Variants in NKAIN1 observed in about 807,000 individuals in gnomAD.
The protein encoded by NKAIN1 is sodium/potassium-transporting ATPase subunit beta-1-interacting protein 1.
NKAIN1 carries 13 observed loss-of-function variants against 31.6 expected under a neutral mutation model. The ratio of observed to expected loss-of-function variants is 0.41; its 90% CI spans 0.27 to 0.65. NKAIN1 has a LOEUF of 0.65. Among genes scored for constraint, NKAIN1 ranks in the 30% least tolerant of loss-of-function variants. The probability of loss-of-function intolerance (pLI) is 0.30; values close to 1 mark genes in which losing one functional copy is unlikely to be tolerated. For synonymous variants in NKAIN1, 104 were observed against 109.0 expected (o/e 0.95, Z 0.28); for missense variants, 193 against 262.2 (o/e 0.74, Z 1.82).
At chr1:31,207,640 C>G (rs553948558) in intron 1 of NKAIN1, among the ~76,000 whole-genome samples, 2 of 152,296 alleles carry the variant, frequency 1.3e-5, no homozygotes, top group East Asian at 3.9e-4. Context: ...TTCATGGGCA[C>G]TGACCCTGGG....
At chr1:31,192,494 C>T (rs1397550691) in intron 1 of NKAIN1, among the ~76,000 whole-genome samples, 1 of 152,110 alleles carries the variant, frequency 6.6e-6, no homozygotes, top group African/African-American at 2.4e-5. Flanking sequence ...GTATTCAGGG[C>T]TATGACCCAG....
At chr1:31,182,028 C>T in intron 5 of NKAIN1, 87 bp from the exon 6 acceptor site, 2 of 1,303,032 alleles carry the variant, frequency 1.5e-6, no homozygotes, top group South Asian at 2.6e-5. Flanking sequence ...AATCTGAGGG[C>T]AGGACTCCCA....
intron 1 of NKAIN1, among the ~76,000 whole-genome samples, chr1:31,226,868 G>C (rs1183750849): frequency 1.3e-5 from 2 of 151,490 alleles, no homozygotes; most frequent in Non-Finnish European, 2.9e-5. Context: ...CTGTTGCCCG[G>C]GCTGGAGTGC....
At chr1:31,224,316 C>T (rs553303446) in intron 1 of NKAIN1, among the ~76,000 whole-genome samples, 14 of 152,292 alleles carry the variant, frequency 9.2e-5, no homozygotes, top group African/African-American at 2.9e-4. Context: ...AGGGAGGAAG[C>T]GGGAAGGGAT....
At chr1:31,187,234 G>A (rs1345606324) in intron 2 of NKAIN1, among the ~76,000 whole-genome samples, 3 of 152,200 alleles carry the variant, frequency 2.0e-5, no homozygotes, top group Admixed American at 1.3e-4. Context: ...TGTCAAGCAT[G>A]TATGTAGTAA....
At chr1:31,227,943 C>A (rs903970981) in intron 1 of NKAIN1, among the ~76,000 whole-genome samples, 1 of 152,186 alleles carries the variant, frequency 6.6e-6, no homozygotes, top group Admixed American at 6.5e-5. Flanking sequence ...CCCTGGCCAG[C>A]CCCTCCACTC....
At position 31,239,449 on chromosome 1, in the gene NKAIN1, G is replaced by A; in HGVS notation, c.54+45C>T. On this transcript the variant is annotated intron_variant, in intron 1 of 6. Transcript: ENST00000373736. This position sits in a 1 kb window ranked among gnomAD's most constrained non-coding sequence, Gnocchi z 4.8. ...CCCGCACGCCCTGGGACCGCGCCCC[G>A]CCGCGCCCCACCCTGCCCCGACTGC... 1 of 1,410,190 alleles carries A rather than the reference G, an allele frequency of 7.1e-7. No individual in the cohort carries two copies. The highest frequency in any genetic ancestry group is 9.3e-7 in the Non-Finnish European group (1 of 1,079,978). 87.4% of individuals were successfully genotyped at this position (1,410,190 alleles called of 1,614,324 possible). A position where few individuals can be genotyped will look rare whatever the true frequency, so the allele number is the denominator to read the frequency against.
At chr1:31,238,689 C>A (rs561202863) in intron 1 of NKAIN1, among the ~76,000 whole-genome samples, 1 of 152,280 alleles carries the variant, frequency 6.6e-6, no homozygotes, top group African/African-American at 2.4e-5. Context: ...GTCCCCATCC[C>A]CACTGTTGCT....
At chr1:31,237,380 C>T (rs977404759) in intron 1 of NKAIN1, among the ~76,000 whole-genome samples, 1 of 152,194 alleles carries the variant, frequency 6.6e-6, no homozygotes, top group Non-Finnish European at 1.5e-5. Context: ...TCCAAGAGTA[C>T]CTGACACTTA....
intron 1 of NKAIN1, among the ~76,000 whole-genome samples, chr1:31,194,230 G>T (rs1040950026): frequency 3.9e-5 from 6 of 152,098 alleles, no homozygotes; most frequent in Non-Finnish European, 7.4e-5. Flanking sequence ...ATGAGAACAT[G>T]TCACCCAGGC....
Position 31,180,887 on chromosome 1 carries a change from G to A in NKAIN1, c.*816C>T, listed in dbSNP as rs1200943374. The A allele has an allele frequency of 6.6e-6, 1 of 152,260 alleles. No individual in the cohort carries two copies. The highest frequency in any genetic ancestry group is 2.4e-5 in the African/African-American group (1 of 41,430). The allele number at this position is 152,260 out of a possible 1,614,324, so 9.4% of individuals were successfully genotyped here. A position where few individuals can be genotyped will look rare whatever the true frequency, so the allele number is the denominator to read the frequency against. On this transcript the variant is annotated 3_prime_UTR_variant, in exon 7 of 7. Coordinates refer to ENST00000373736, the MANE Select transcript of NKAIN1 (RefSeq NM_024522.3). ...AAGAGAGGCATTGGCAAGTGGTGGT[G>A]GTGGTGTGTGAATATGGTGGAGACC... is the stretch of plus-strand genomic sequence containing the variant.
At chr1:31,218,069 T>TCTCTCTCTCTCTCTCTCTCTCTCTC (rs1645531394) in intron 1 of NKAIN1, among the ~76,000 whole-genome samples, 1 of 138,108 alleles carries the variant, frequency 7.2e-6, no homozygotes, top group African/African-American at 2.8e-5. Context: ...TCTTTCTTTC[T>TCTCTCTCTCTCTCTCTCTCTCTCTC]TTTTTTTTTT....
At chr1:31,186,191 T>C (rs1645240438) in intron 2 of NKAIN1, among the ~76,000 whole-genome samples, 1 of 151,884 alleles carries the variant, frequency 6.6e-6, no homozygotes, top group Admixed American at 6.6e-5. Flanking sequence ...GGAGAAACCC[T>C]GTCTCTATTA....
At position 31,194,753 on chromosome 1, in the gene NKAIN1, T is replaced by TTC. The variant is rs1184014098; in HGVS notation, c.55-6568_55-6567dup. On this transcript the variant is annotated intron_variant, in intron 1 of 6. Transcript: ENST00000373736. ...TTCCTTTCCTTTTCCTTCCTTCCTT[T>TTC]TCTCTCTCTCTCTCTTTTTTTTTTT... Among the ~76,000 whole-genome samples, 280 of 146,462 alleles carry TTC rather than the reference T, an allele frequency of 1.9e-3. 2 individuals are homozygous for TTC. The highest frequency in any genetic ancestry group is 6.3e-3 in the African/African-American group (250 of 39,438).
chr1:31,226,333 A>C (rs571985790), intron 1 of NKAIN1, among the ~76,000 whole-genome samples: 131 of 151,866 alleles, frequency 8.6e-4, no homozygotes, highest in Non-Finnish European at 1.5e-3. Context: ...AAATCCTGTA[A>C]AAACAAGCCC....
At position 31,181,536 on chromosome 1, in the gene NKAIN1, AGTCCAAGTCCAC is replaced by A. The variant is rs1256937831; in HGVS notation, c.*155_*166del. The A allele has an allele frequency of 8.7e-6, 5 of 573,376 alleles. No homozygotes were observed. Among genetic ancestry groups the A allele is most frequent in the Non-Finnish European group, 1.4e-5 (5 of 368,112 alleles). 35.5% of individuals were successfully genotyped at this position (573,376 alleles called of 1,614,324 possible). A position where few individuals can be genotyped will look rare whatever the true frequency, so the allele number is the denominator to read the frequency against. On this transcript the variant is annotated 3_prime_UTR_variant, in exon 7 of 7. Transcript: ENST00000373736. ...AGAGCCAAGCTCAAATCCAAGTCCA[AGTCCAAGTCCAC>A]GTCCAAGTCCGCATCTCCAGATGCA...
chr1:31,182,593 G>A lies in NKAIN1; in HGVS notation c.472-3C>T. On this transcript the variant is annotated splice_polypyrimidine_tract_variant and splice_region_variant and intron_variant, in intron 4 of 6. Transcript: ENST00000373736. ...CAGGCGAACACGAAGCCGAACAGCT[G>A]GGAGTGGAGATGACACGTCAGGGAG... 1 of 1,614,094 alleles carries A rather than the reference G, an allele frequency of 6.2e-7. No individual in the cohort carries two copies. Among genetic ancestry groups the A allele is most frequent in the Non-Finnish European group, 8.5e-7 (1 of 1,179,950 alleles).
At chr1:31,192,580 T>G (rs1312829843) in intron 1 of NKAIN1, among the ~76,000 whole-genome samples, 1 of 151,952 alleles carries the variant, frequency 6.6e-6, no homozygotes, top group Non-Finnish European at 1.5e-5. Flanking sequence ...AGATGGAGTC[T>G]CGCTCTGTCG....
intron 1 of NKAIN1, among the ~76,000 whole-genome samples, chr1:31,228,387 C>G (rs1336212509): frequency 6.6e-6 from 1 of 152,060 alleles, no homozygotes; most frequent in Non-Finnish European, 1.5e-5. Flanking sequence ...CTGCCTGTAC[C>G]ATGAGCTCAC....
Sources: gnomAD v4.1 joint callset for allele counts (sites outside exome capture counted in the v4.1 genomes callset) on GRCh38, gnomAD v4.1.1 for gene constraint, Gnocchi (gnomAD v3.1) non-coding constraint, MANE v1.5 for transcripts, NCBI Gene and HGNC (gene_info 2026-07-23, HGNC 2026-07-21) for gene names.